Variants in PGM5 observed in about 807,000 individuals in gnomAD.
PGM5 encodes phosphoglucomutase-like protein 5.
Under a neutral mutation model 59.2 loss-of-function variants are expected in PGM5, and 23 were observed. The ratio of observed to expected loss-of-function variants is 0.39; its 90% CI spans 0.28 to 0.55. PGM5 has a LOEUF of 0.55. Ranked by LOEUF, PGM5 falls within the 20% of genes least tolerant of loss-of-function variation. The pLI is 0.66. For synonymous variants in PGM5, 214 were observed against 286.0 expected (o/e 0.75, Z 2.54); for missense variants, 574 against 748.3 (o/e 0.77, Z 2.72).
At chr9:68,412,604 G>A (rs1427461330) in intron 6 of PGM5, among the ~76,000 whole-genome samples, 2 of 152,102 alleles carry the variant, frequency 1.3e-5, no homozygotes, top group African/African-American at 2.4e-5. Context: ...TCATCTCAGG[G>A]CTCACACTCT....
intron 10 of PGM5, among the ~76,000 whole-genome samples, chr9:68,516,267 A>G (rs560600623): frequency 1.3e-5 from 2 of 152,208 alleles, no homozygotes; most frequent in Admixed American, 6.5e-5. Flanking sequence ...TCAATCTGGC[A>G]TAGTTAACAC....
chr9:68,420,020 C>A (rs1372071444), intron 6 of PGM5, among the ~76,000 whole-genome samples: 1 of 152,026 alleles, frequency 6.6e-6, no homozygotes, highest in African/African-American at 2.4e-5. Context: ...ATGTCTTGAC[C>A]CCAGTGTTTG....
At chr9:68,400,877 A>G (rs1206084015) in intron 6 of PGM5, 1 of 152,552 alleles carries the variant, frequency 6.6e-6, no homozygotes, top group Non-Finnish European at 1.5e-5. Context: ...CCACAGCCTG[A>G]ACTTAAGCGC....
chr9:68,390,126 T>C (rs1822327654), intron 4 of PGM5, among the ~76,000 whole-genome samples: 1 of 152,134 alleles, frequency 6.6e-6, no homozygotes, highest in Non-Finnish European at 1.5e-5. Context: ...ACTAAAAATC[T>C]GCTGGGAGCT....
intron 2 of PGM5, among the ~76,000 whole-genome samples, chr9:68,382,624 G>C (rs2131998239): frequency 6.6e-6 from 1 of 151,586 alleles, no homozygotes; most frequent in Admixed American, 6.6e-5. Context: ...ATTTTTATAT[G>C]AGTGCCTGTA....
At chr9:68,359,180 C>T (rs530859455) in intron 1 of PGM5, among the ~76,000 whole-genome samples, 2 of 152,322 alleles carry the variant, frequency 1.3e-5, no homozygotes, top group East Asian at 3.9e-4. Context: ...ATAAGGACTC[C>T]TCAGCTTCTT....
intron 8 of PGM5, 102 bp from the exon 9 acceptor site, chr9:68,483,763 T>A: frequency 2.0e-6 from 2 of 1,021,074 alleles, no homozygotes; most frequent in Non-Finnish European, 1.5e-6. Flanking sequence ...ATTTCTGTGC[T>A]GTCCTTCCCT....
chr9:68,417,116 C>G (rs1198973960), intron 6 of PGM5, among the ~76,000 whole-genome samples: 1 of 152,210 alleles, frequency 6.6e-6, no homozygotes, highest in Non-Finnish European at 1.5e-5. Flanking sequence ...AAGACAAACA[C>G]TCTCTGAATC....
intron 6 of PGM5, among the ~76,000 whole-genome samples, chr9:68,415,187 G>A (rs537875511): frequency 3.4e-5 from 5 of 149,046 alleles, no homozygotes; most frequent in East Asian, 1.9e-4. Context: ...ACCACTGTCC[G>A]GTGTCCAGTT....
intron 10 of PGM5, among the ~76,000 whole-genome samples, chr9:68,510,518 A>C (rs143662649): frequency 6.6e-6 from 1 of 152,138 alleles, no homozygotes; most frequent in African/African-American, 2.4e-5. Context: ...TGGGCAACTT[A>C]ATATCAGTCA....
At chr9:68,383,434 GT>G (rs1554678536) in intron 2 of PGM5, among the ~76,000 whole-genome samples, 1 of 151,964 alleles carries the variant, frequency 6.6e-6, no homozygotes, top group African/African-American at 2.4e-5. Flanking sequence ...AAAATTTGGT[GT>G]GCATTTACAA....
Position 68,402,617 on chromosome 9 carries a change from T to C in PGM5, c.1043+10144T>C, listed in dbSNP as rs1822701145. ...TTACAGAGTTGGAGGTTTTCAGATA[T>C]CAGTCATCAGTCAAATTTATTGGTG... On this transcript the variant is annotated intron_variant, in intron 6 of 10. Transcript: ENST00000396396. 2 of 152,194 alleles carry C rather than the reference T, an allele frequency of 1.3e-5. 1 individual carries two copies. Among genetic ancestry groups the C allele is most frequent in the South Asian group, 4.1e-4 (2 of 4,826 alleles). The allele number at this position is 152,194 out of a possible 1,614,324, so 9.4% of individuals were successfully genotyped here. A position where few individuals can be genotyped will look rare whatever the true frequency, so the allele number is the denominator to read the frequency against.
rs868917866 is a variant in PGM5 at position 68,406,718 on chromosome 9, A to G, written c.1043+14245A>G. On this transcript the variant is annotated intron_variant, in intron 6 of 10. Coordinates refer to ENST00000396396, the MANE Select transcript of PGM5 (RefSeq NM_021965.4). Reference sequence around the variant, plus strand: ...TATATATATATATATATATATATATATATATATGTATATAGTGCTTACAGC... The same window carrying G: ...TATATATATATATATATATATATATGTATATATGTATATAGTGCTTACAGC... Among the ~76,000 whole-genome samples the G allele has an allele frequency of 2.7e-3, 260 of 96,234 alleles. 8 individuals carry two copies. Among genetic ancestry groups the G allele is most frequent in the African/African-American group, 6.4e-3 (151 of 23,450 alleles). 63.1% of individuals were successfully genotyped at this position (96,234 alleles called of 152,430 possible).
chr9:68,487,494 AC>A (rs1564019227), intron 9 of PGM5, among the ~76,000 whole-genome samples: 86 of 151,196 alleles, frequency 5.7e-4, no homozygotes, highest in African/African-American at 2.0e-3. Context: ...ACACACACAC[AC>A]ACAAATCAGG....
At position 68,392,444 on chromosome 9, in the gene PGM5, G is replaced by T; in HGVS notation, c.1014G>T (p.Arg338Ser). The T allele has an allele frequency of 6.2e-7, 1 of 1,611,382 alleles. No homozygotes were observed. Among genetic ancestry groups the T allele is most frequent in the Non-Finnish European group, 8.5e-7 (1 of 1,179,454 alleles). The change falls in exon 6 of 11, where the codon AGG becomes AGT. Residue 338 changes from arginine to serine, a missense_variant. This residue lies in a region of PGM5 where 8 missense variants were observed against 75.4 expected (regional missense o/e 0.11). Coordinates refer to ENST00000396396, the MANE Select transcript of PGM5 (RefSeq NM_021965.4). ...AGATGGGGGTCCGCGGGTTTGGGAG[G>T]AGTATGCCAACCAGCATGGCCCTGG... The part of the protein sequence containing the change: ...FRQMGVRGFG[R>S]SMPTSMALDR...
At chr9:68,425,912 C>T (rs1403487220) in intron 6 of PGM5, among the ~76,000 whole-genome samples, 1 of 152,082 alleles carries the variant, frequency 6.6e-6, no homozygotes, top group East Asian at 1.9e-4. Context: ...TTTCACATTT[C>T]ACATCCTTTT....
At chr9:68,390,051 C>T (rs1175955605) in intron 4 of PGM5, among the ~76,000 whole-genome samples, 1 of 152,012 alleles carries the variant, frequency 6.6e-6, no homozygotes, top group African/African-American at 2.4e-5. Context: ...ATTTTCACCT[C>T]ATCTCAAATA....
intron 6 of PGM5, among the ~76,000 whole-genome samples, chr9:68,436,969 T>A (rs782214904): frequency 1.3e-5 from 2 of 152,196 alleles, no homozygotes; most frequent in Non-Finnish European, 1.5e-5. Context: ...GTGAACCAGC[T>A]TGGAAATAAG....
chr9:68,517,635 G>C (rs1275411649), intron 10 of PGM5, among the ~76,000 whole-genome samples: 2 of 152,142 alleles, frequency 1.3e-5, no homozygotes, highest in Non-Finnish European at 2.9e-5. Context: ...GCTCAAGGTT[G>C]CCAGGTTTTC....
Sources: allele counts gnomAD v4.1 joint callset (sites outside exome capture counted in the v4.1 genomes callset), GRCh38; gene constraint gnomAD v4.1.1; regional missense constraint gnomAD v4.1.1; transcripts MANE v1.5; gene names NCBI Gene and HGNC (gene_info 2026-07-23, HGNC 2026-07-21).